GNPTAB: variants seen among roughly 807,000 people sequenced by gnomAD.
GNPTAB encodes the protein N-acetylglucosamine-1-phosphotransferase subunits alpha/beta.
A neutral mutation model predicts 136.6 loss-of-function variants in GNPTAB; 92 were observed. The observed-to-expected ratio is 0.67, with a 90% confidence interval of 0.57 to 0.80. The LOEUF (loss-of-function observed/expected upper bound fraction) is 0.80, where lower values mean the gene tolerates loss of function less well. GNPTAB is among the 30% of genes least tolerant of loss of function. The pLI is 0.00. For missense variants in GNPTAB, 1,343 were observed against 1,501.8 expected (o/e 0.89, Z 1.75); for synonymous variants, 512 against 535.1 (o/e 0.96, Z 0.60).
At chr12:101,823,759 T>C (rs1870934893) in intron 1 of GNPTAB, among the ~76,000 whole-genome samples, 1 of 152,200 alleles carries the variant, frequency 6.6e-6, no homozygotes, top group Non-Finnish European at 1.5e-5. Context: ...TATTTGATCA[T>C]CACTGAAAGA....
intron 7 of GNPTAB, 168 bp downstream of exon 7, chr12:101,779,984 T>C: frequency 1.4e-6 from 1 of 691,808 alleles, no homozygotes; most frequent in South Asian, 1.7e-5. Flanking sequence ...TCTTAGATTT[T>C]TGCCCAAATT....
At chr12:101,747,351 T>C in intron 20 of GNPTAB, 110 bp from the exon 21 acceptor site, 3 of 694,216 alleles carry the variant, frequency 4.3e-6, no homozygotes, top group South Asian at 1.6e-5. Context: ...CACAATCTTA[T>C]ACATTAAAAA....
intron 16 of GNPTAB, among the ~76,000 whole-genome samples, chr12:101,759,076 AT>A (rs1952948175): frequency 6.6e-6 from 1 of 152,050 alleles, no homozygotes; most frequent in African/African-American, 2.4e-5. Context: ...TTATATAAGA[AT>A]TTTTCGCTGG....
intron 1 of GNPTAB, among the ~76,000 whole-genome samples, chr12:101,800,604 C>CAAAAAAAAAAAAAAAAAA (rs58129963): frequency 4.0e-5 from 3 of 74,284 alleles, no homozygotes; most frequent in Non-Finnish European, 5.1e-5. Flanking sequence ...ACTAAAAATA[C>CAAAAAAAAAAAAAAAAAA]AAAAAAAAAA....
intron 7 of GNPTAB, among the ~76,000 whole-genome samples, chr12:101,772,643 A>C (rs898060134): frequency 6.6e-6 from 1 of 152,076 alleles, no homozygotes; most frequent in Admixed American, 6.5e-5. Context: ...TTGCCTCAGC[A>C]TATGTGCCGG....
In GNPTAB at chr12:101,760,055, T is replaced by A; in HGVS notation, c.3224A>T (p.Gln1075Leu). Residue 1075 changes from glutamine to leucine, a missense_variant, in exon 16 of 21, where the codon CAG (glutamine) becomes CTG (leucine). Physicochemically the swap from Gln to Leu is moderately radical, Grantham distance 113. Coordinates refer to ENST00000299314, the MANE Select transcript of GNPTAB (RefSeq NM_024312.5). Reference sequence around the variant, plus strand: ...CAGGTTGGGATCATAGTAGGATTCCTGAGTTGGTGGAATATTATTTAGCTG... The same window carrying A: ...CAGGTTGGGATCATAGTAGGATTCCAGAGTTGGTGGAATATTATTTAGCTG... ...ITQLNNIPPT[Q>L]ESYYDPNLPP... The A allele has an allele frequency of 6.2e-7, 1 of 1,610,326 alleles. No individual in the cohort carries two copies. The highest frequency in any genetic ancestry group is 8.5e-7 in the Non-Finnish European group (1 of 1,176,498).
intron 1 of GNPTAB, among the ~76,000 whole-genome samples, chr12:101,802,907 C>A (rs750357811): frequency 6.6e-6 from 1 of 152,140 alleles, no homozygotes; most frequent in East Asian, 1.9e-4. Flanking sequence ...TCTCCAGTTA[C>A]GGCAGATGGA....
Position 101,749,197 on chromosome 12 carries a change from CAG to C in GNPTAB, c.3603-8_3603-7del. 1.3e-6 allele frequency: 2 copies of C among 1,574,756 alleles called. No individual in the cohort carries two copies. The highest frequency in any genetic ancestry group is 2.2e-5 in the East Asian group (1 of 44,618). Reference sequence around the variant, plus strand: ...ATTTGTCTCGATAAGCCCTCCTGTGCAGAGAGAAGAAAGCAACTATGTACTTC... The same window carrying C: ...ATTTGTCTCGATAAGCCCTCCTGTGCAGAGAAGAAAGCAACTATGTACTTC... On this transcript the variant is annotated splice_region_variant and splice_polypyrimidine_tract_variant and intron_variant, in intron 19 of 20. Coordinates refer to ENST00000299314, the MANE Select transcript of GNPTAB (RefSeq NM_024312.5).
At chr12:101,747,268 T>C in intron 20 of GNPTAB, 27 bp from the exon 21 acceptor site, 1 of 1,309,852 alleles carries the variant, frequency 7.6e-7, no homozygotes, top group Non-Finnish European at 1.1e-6. Context: ...AGAAAATACA[T>C]TTTAATTCTC....
intron 1 of GNPTAB, among the ~76,000 whole-genome samples, chr12:101,803,845 GCT>G (rs1869784091): frequency 6.6e-6 from 1 of 152,190 alleles, no homozygotes; most frequent in African/African-American, 2.4e-5. Context: ...CGGAGAGAGA[GCT>G]GAGATTTTTA....
chr12:101,785,240 G>A (rs1868563544), intron 5 of GNPTAB, among the ~76,000 whole-genome samples: 1 of 152,122 alleles, frequency 6.6e-6, no homozygotes, highest in Non-Finnish European at 1.5e-5. Context: ...TTATTATTTT[G>A]AGGCAAGGCC....
rs1469644244 is a variant in GNPTAB, at chr12:101,770,420, T to C, written c.1099A>G (p.Ile367Val). The C allele has an allele frequency of 6.2e-7, 1 of 1,612,460 alleles. No individual in the cohort carries two copies. Among genetic ancestry groups the C allele is most frequent in the Non-Finnish European group, 8.5e-7 (1 of 1,178,414 alleles). Residue 367 changes from isoleucine (I) to valine (V), a missense_variant, in exon 9 of 21, where the codon ATA becomes GTA. Physicochemically the swap from Ile to Val is conservative, Grantham distance 29. Transcript: ENST00000299314. ...AAGTCCTGTACCTGGTGTGTTACTA[T>C]TGTCACTCGAGGATTGTCAAGGTTC... ...WLNLDNPRVT[I>V]VTHQDVFRNL...
chr12:101,797,620 T>C (rs949584291), intron 1 of GNPTAB, among the ~76,000 whole-genome samples: 23 of 151,980 alleles, frequency 1.5e-4, no homozygotes, highest in Non-Finnish European at 3.1e-4. Context: ...CGAGACTTCA[T>C]CTCAAAAAAC....
chr12:101,808,292 C>T (rs1870036868), intron 1 of GNPTAB, among the ~76,000 whole-genome samples: 1 of 150,582 alleles, frequency 6.6e-6, no homozygotes, highest in African/African-American at 2.4e-5. Flanking sequence ...GGCATGGTGG[C>T]TTATGCCTGT....
intron 19 of GNPTAB, 137 bp from the exon 20 acceptor site, chr12:101,749,328 C>CA: frequency 1.4e-6 from 1 of 691,172 alleles, no homozygotes; most frequent in East Asian, 2.6e-5. Flanking sequence ...CTAAAATGCT[C>CA]ACACAATATA....
chr12:101,760,267 CTA>C, intron 15 of GNPTAB, 124 bp from the exon 16 acceptor site: 1 of 684,262 alleles, frequency 1.5e-6, no homozygotes, highest in East Asian at 2.7e-5. Flanking sequence ...GAGAGTCTGA[CTA>C]TATGATTCTT....
chr12:101,759,412 T>C (rs369472789), intron 16 of GNPTAB, among the ~76,000 whole-genome samples: 17 of 60,606 alleles, frequency 2.8e-4, no homozygotes, highest in East Asian at 8.6e-4. Flanking sequence ...GCCCTGAAAA[T>C]AAAGCTTAAA....
chr12:101,756,986 T>C, intron 18 of GNPTAB: 4 of 491,620 alleles, frequency 8.1e-6, no homozygotes, highest in Non-Finnish European at 1.4e-5. Flanking sequence ...TCTGAACAGC[T>C]TGTTATTAAT....
At chr12:101,820,430 T>C (rs1195222916) in intron 1 of GNPTAB, among the ~76,000 whole-genome samples, 1 of 152,220 alleles carries the variant, frequency 6.6e-6, no homozygotes, top group Non-Finnish European at 1.5e-5. Flanking sequence ...AGGCCAGTCC[T>C]GTAGACTAAC....
Sources: allele counts gnomAD v4.1 joint callset (sites outside exome capture counted in the v4.1 genomes callset), GRCh38; gene constraint gnomAD v4.1.1; transcripts MANE v1.5; gene names NCBI Gene and HGNC (gene_info 2026-07-23, HGNC 2026-07-21).